ZNF76: variants seen among roughly 807,000 people sequenced by gnomAD.
ZNF76 encodes the protein zinc finger protein 76.
A neutral mutation model predicts 66.9 loss-of-function variants in ZNF76; 66 were observed. The ratio of observed to expected loss-of-function variants is 0.99; its 90% CI spans 0.81 to 1.21. The LOEUF is 1.21. ZNF76 is among the 50% of genes most tolerant of loss of function. The pLI, the probability that ZNF76 is intolerant of heterozygous loss-of-function variation, is 0.00. For synonymous variants in ZNF76, 275 were observed against 296.1 expected, an observed-to-expected ratio of 0.93 and a Z score of 0.73; for missense variants, 729 against 760.3, an observed-to-expected ratio of 0.96 and a Z score of 0.48.
chr6:35,277,021 ACTC>A (rs1421754726), intron 1 of ZNF76, among the ~76,000 whole-genome samples: 3 of 149,004 alleles, frequency 2.0e-5, no homozygotes, highest in Non-Finnish European at 4.5e-5. Context: ...CTGGTCTCGA[ACTC>A]CTGATCTCAA....
chr6:35,265,457 A>G (rs1226015118), intron 1 of ZNF76, among the ~76,000 whole-genome samples: 2 of 151,328 alleles, frequency 1.3e-5, no homozygotes, highest in Non-Finnish European at 2.9e-5. Context: ...CAGTGAGCTG[A>G]GATCACGCTG....
Position 35,287,310 on chromosome 6 carries a change from C to G in ZNF76, c.233-336C>G, listed in dbSNP as rs1468197582. On this transcript the variant is annotated intron_variant, in intron 4 of 13. Coordinates refer to ENST00000373953, the MANE Select transcript of ZNF76 (RefSeq NM_003427.5). This position sits in a 1 kb window ranked among gnomAD's most constrained non-coding sequence, Gnocchi z 4.0. ...TCACATTTGTGTCCCGCAAAGATCC[C>G]TCTGGATGTTGTGCTGCCTGGAGGG... is the stretch of plus-strand genomic sequence containing the variant. 6.6e-6 allele frequency among the ~76,000 whole-genome samples: 1 copy of G among 152,132 alleles called. No homozygotes were observed. Among genetic ancestry groups the G allele is most frequent in the African/African-American group, 2.4e-5 (1 of 41,426 alleles).
intron 1 of ZNF76, among the ~76,000 whole-genome samples, chr6:35,278,450 A>G (rs1416265370): frequency 2.0e-5 from 3 of 152,246 alleles, no homozygotes; most frequent in African/African-American, 7.2e-5. Flanking sequence ...AGGGCTGTCA[A>G]AGCCCCAGTT....
intron 2 of ZNF76, among the ~76,000 whole-genome samples, chr6:35,284,799 CT>C: frequency 2.0e-5 from 3 of 152,274 alleles, no homozygotes; most frequent in Admixed American, 2.0e-4. Flanking sequence ...CAACTTCTGC[CT>C]CCTGGGCTCA....
At chr6:35,277,328 C>T (rs1371775706) in intron 1 of ZNF76, among the ~76,000 whole-genome samples, 1 of 152,166 alleles carries the variant, frequency 6.6e-6, no homozygotes, top group African/African-American at 2.4e-5. Flanking sequence ...AGAATCCCCA[C>T]CTTGACCAGT....
At chr6:35,293,485 A>G (rs1463301266) in intron 11 of ZNF76, among the ~76,000 whole-genome samples, 1 of 152,104 alleles carries the variant, frequency 6.6e-6, no homozygotes, top group Non-Finnish European at 1.5e-5. Flanking sequence ...AGTTGTTAGG[A>G]CACAATCAGG....
chr6:35,265,919 A>T (rs1381705334), intron 1 of ZNF76, among the ~76,000 whole-genome samples: 1 of 152,186 alleles, frequency 6.6e-6, no homozygotes, highest in Non-Finnish European at 1.5e-5. Flanking sequence ...CATATTGAAA[A>T]GGTCATTGTG....
intron 1 of ZNF76, among the ~76,000 whole-genome samples, chr6:35,267,303 G>T (rs991596184): frequency 1.3e-5 from 2 of 151,962 alleles, no homozygotes; most frequent in African/African-American, 4.8e-5. Context: ...TCACCATGCT[G>T]CCCAGGCTGG....
intron 1 of ZNF76, among the ~76,000 whole-genome samples, chr6:35,266,190 T>C: frequency 6.6e-6 from 1 of 151,782 alleles, no homozygotes; most frequent in African/African-American, 2.4e-5. Context: ...TCTCGCTCTG[T>C]CGCCCACGGT....
rs1298556265 is a variant in ZNF76 at position 35,287,532 on chromosome 6, A to G, written c.233-114A>G. ...ATCACAAAGTGAAGGGCCATGAGAA[A>G]TTGGATGTTGAAACCCTCCTTGGTA... On this transcript the variant is annotated intron_variant, in intron 4 of 13. Coordinates refer to ENST00000373953, the MANE Select transcript of ZNF76 (RefSeq NM_003427.5). The surrounding 1 kb of genome is among the most constrained non-coding windows in gnomAD (Gnocchi z 4.0). The G allele has an allele frequency of 8.3e-6, 8 of 960,572 alleles. No individual in the cohort carries two copies. The highest frequency in any genetic ancestry group is 1.1e-5 in the Non-Finnish European group (7 of 650,698). 59.5% of individuals were successfully genotyped at this position (960,572 alleles called of 1,614,324 possible). A position where few individuals can be genotyped will look rare whatever the true frequency, so the allele number is the denominator to read the frequency against.
rs771018758 is a variant in ZNF76 at position 35,290,307 on chromosome 6, G to A, written c.474G>A (p.Gln158=). 1.9e-6 allele frequency: 3 copies of A among 1,614,226 alleles called. No individual in the cohort carries two copies. The highest frequency in any genetic ancestry group is 1.7e-4 in the Middle Eastern group (1 of 6,060). ...DSQIPRNGKG[Q]QVGDRAFRCG... ...AGATTCCCCGTAATGGAAAAGGGCA[G>A]CAAGTTGGAGACAGAGCATTCCGCT... The change falls in exon 6 of 14, where the codon CAG becomes CAA. Residue 158 remains glutamine (Q), a synonymous_variant. Coordinates refer to ENST00000373953, the MANE Select transcript of ZNF76 (RefSeq NM_003427.5).
intron 1 of ZNF76, among the ~76,000 whole-genome samples, chr6:35,270,218 C>T (rs1482645476): frequency 1.3e-5 from 2 of 152,156 alleles, no homozygotes; most frequent in Non-Finnish European, 1.5e-5. Flanking sequence ...CTCACAGCAA[C>T]CTCTGCCTCC....
chr6:35,295,306 C>A lies in ZNF76; in HGVS notation c.*58C>A. ...AGGAAGTGCCATCTGCATGGCCACT[C>A]TTGCCCCCAAGGGCCCAGGCTGTGG... On this transcript the variant is annotated 3_prime_UTR_variant, in exon 14 of 14. Coordinates refer to ENST00000373953, the MANE Select transcript of ZNF76 (RefSeq NM_003427.5). The A allele has an allele frequency of 6.9e-7, 1 of 1,445,710 alleles. No individual in the cohort carries two copies. Among genetic ancestry groups the A allele is most frequent in the Non-Finnish European group, 9.5e-7 (1 of 1,056,116 alleles). The allele number at this position is 1,445,710 out of a possible 1,614,324, so 89.6% of individuals were successfully genotyped here. A position where few individuals can be genotyped will look rare whatever the true frequency, so the allele number is the denominator to read the frequency against.
In ZNF76 at chr6:35,293,824, C is replaced by T. The variant is rs1790782910; in HGVS notation, c.1403C>T (p.Thr468Ile). The change falls in exon 12 of 14, where the codon ACC becomes ATC. Residue 468 changes from threonine (T) to isoleucine (I), a missense_variant. Coordinates refer to ENST00000373953, the MANE Select transcript of ZNF76 (RefSeq NM_003427.5). ...ATGGTCACCCAGCACGGCAGCACCACCCTCACCATCCCCAGTCCTGATGCC... is the reference window on the plus strand; with the variant it reads ...ATGGTCACCCAGCACGGCAGCACCATCCTCACCATCCCCAGTCCTGATGCC... The part of the protein sequence containing the change: ...ISMVTQHGST[T>I]LTIPSPDADL... The T allele has an allele frequency of 6.2e-7, 1 of 1,614,040 alleles. No individual in the cohort carries two copies. The highest frequency in any genetic ancestry group is 1.7e-5 in the Admixed American group (1 of 60,000).
intron 1 of ZNF76, among the ~76,000 whole-genome samples, chr6:35,275,959 G>T (rs540880999): frequency 3.3e-5 from 5 of 152,160 alleles, no homozygotes; most frequent in African/African-American, 9.7e-5. Flanking sequence ...GAAGAAGTGC[G>T]CCAGATATTG....
chr6:35,292,829 G>C lies in ZNF76; in HGVS notation c.1165+42G>C, dbSNP rs775304902. On this transcript the variant is annotated intron_variant, in intron 10 of 13. Coordinates refer to ENST00000373953, the MANE Select transcript of ZNF76 (RefSeq NM_003427.5). This position sits in a 1 kb window ranked among gnomAD's most constrained non-coding sequence, Gnocchi z 4.7. ...GAGGGTGAGAGTGGGGACAAGCCAG[G>C]CCTCCCCATGGCATCTGGTAGCAGA... The C allele has an allele frequency of 6.8e-6, 11 of 1,613,720 alleles. No homozygotes were observed. The East Asian group carries it at 1.1e-4, about 16-fold the overall frequency.
At chr6:35,282,500 G>A (rs1383929499) in intron 2 of ZNF76, among the ~76,000 whole-genome samples, 4 of 152,094 alleles carry the variant, frequency 2.6e-5, no homozygotes, top group Non-Finnish European at 5.9e-5. Context: ...AGTGTTTAGG[G>A]CAAGGCCTGC....
chr6:35,292,727 G>A lies in ZNF76; in HGVS notation c.1105G>A (p.Gly369Ser). 1 of 1,614,106 alleles carries A rather than the reference G, an allele frequency of 6.2e-7. No individual in the cohort carries two copies. The highest frequency in any genetic ancestry group is 8.5e-7 in the Non-Finnish European group (1 of 1,180,002). The change falls in exon 10 of 14, where the codon GGC becomes AGC. Residue 369 changes from glycine (G) to serine (S), a missense_variant. Gly to Ser is a moderately conservative substitution (Grantham distance 56, BLOSUM62 0). Transcript: ENST00000373953. This position sits in a 1 kb window ranked among gnomAD's most constrained non-coding sequence, Gnocchi z 4.7. ...TLAMHKRSAH[G>S]ELEATEESEQ... ...GGCCATGCACAAGCGCAGTGCCCAC[G>A]GCGAGCTGGAGGCCACGGAGGAGAG... is the stretch of plus-strand genomic sequence containing the variant.
Position 35,281,040 on chromosome 6 carries a change from C to T in ZNF76, c.-96-16C>T. The T allele has an allele frequency of 1.9e-6, 2 of 1,046,716 alleles. No individual in the cohort carries two copies. Among genetic ancestry groups the T allele is most frequent in the South Asian group, 2.5e-5 (2 of 78,900 alleles). 64.8% of individuals were successfully genotyped at this position (1,046,716 alleles called of 1,614,324 possible). ...AAGCTGGTTAACTCATAATGTGATA[C>T]TGTTTATTTTCTTAGATTTGTGACC... On this transcript the variant is annotated splice_polypyrimidine_tract_variant and intron_variant, in intron 1 of 13. Coordinates refer to ENST00000373953, the MANE Select transcript of ZNF76 (RefSeq NM_003427.5).
Sources: allele counts gnomAD v4.1 joint callset (sites outside exome capture counted in the v4.1 genomes callset), GRCh38; gene constraint gnomAD v4.1.1; non-coding constraint Gnocchi (gnomAD v3.1); transcripts MANE v1.5; gene names NCBI Gene and HGNC (gene_info 2026-07-23, HGNC 2026-07-21).